Variants in NEO1 observed in about 807,000 individuals in gnomAD.
NEO1 encodes the protein neogenin.
NEO1 carries 63 observed loss-of-function variants against 159.7 expected under a neutral mutation model. The ratio of observed to expected loss-of-function variants is 0.39; its 90% confidence interval spans 0.32 to 0.49. NEO1 has a LOEUF of 0.49. Ranked by LOEUF, NEO1 falls within the 20% of genes least tolerant of loss-of-function variation. NEO1 has a pLI of 0.85. For missense variants in NEO1, 1,615 were observed against 1,831.0 expected, an observed-to-expected ratio of 0.88 and a Z score of 2.15; for synonymous variants, 633 against 662.0, an observed-to-expected ratio of 0.96 and a Z score of 0.67.
At chr15:73,265,774 AGCTTTTGAG>A (rs1567642857) in intron 15 of NEO1, among the ~76,000 whole-genome samples, 1 of 152,124 alleles carries the variant, frequency 6.6e-6, no homozygotes, top group African/African-American at 2.4e-5. Context: ...AGCTGTTTTA[AGCTTTTGAG>A]CCACATGAGG....
In NEO1 at chr15:73,108,822, A is replaced by G. The variant is rs575252064; in HGVS notation, c.131-7718A>G. ...ATGCGACAGAGAGTGGGTGCAGGGC[A>G]AGTGTTCCAGGCAGAGGGGATGGCA... is the stretch of plus-strand genomic sequence containing the variant. On this transcript the variant is annotated intron_variant, in intron 1 of 28. Coordinates refer to ENST00000261908, the MANE Select transcript of NEO1 (RefSeq NM_002499.4). Among the ~76,000 whole-genome samples, 135 of 152,298 alleles carry G rather than the reference A, an allele frequency of 8.9e-4. 1 individual carries two copies. Among genetic ancestry groups the G allele is most frequent in the African/African-American group, 3.2e-3 (131 of 41,570 alleles).
chr15:73,254,000 G>A (rs748521877), intron 12 of NEO1, among the ~76,000 whole-genome samples: 2 of 152,120 alleles, frequency 1.3e-5, no homozygotes, highest in African/African-American at 2.4e-5. Flanking sequence ...TCTGGACTAC[G>A]CAGACAACTA....
At chr15:73,278,840 G>A (rs1421376880) in intron 22 of NEO1, among the ~76,000 whole-genome samples, 1 of 152,200 alleles carries the variant, frequency 6.6e-6, no homozygotes, top group African/African-American at 2.4e-5. Context: ...GCAGTCCTAG[G>A]ACCAAAACCC....
intron 1 of NEO1, among the ~76,000 whole-genome samples, chr15:73,096,699 G>A (rs1440717723): frequency 6.6e-6 from 1 of 152,168 alleles, no homozygotes; most frequent in Non-Finnish European, 1.5e-5. Context: ...TTTTCATCAA[G>A]CAAGGGTGAC....
Position 73,052,608 on chromosome 15 carries a change from G to T in NEO1, c.-68G>T, listed in dbSNP as rs1270804361. ...TGCAGCGAGGGACCGGCTGAGGCGC[G>T]CGGGAGGGAAGGAGGCAAGGGCTCC... On this transcript the variant is annotated 5_prime_UTR_variant, in exon 1 of 29. Coordinates refer to ENST00000261908, the MANE Select transcript of NEO1 (RefSeq NM_002499.4). The T allele has an allele frequency of 8.7e-6, 9 of 1,030,096 alleles. No individual in the cohort carries two copies. Among genetic ancestry groups the T allele is most frequent in the Non-Finnish European group, 1.1e-5 (9 of 822,294 alleles). The allele number at this position is 1,030,096 out of a possible 1,614,324, so 63.8% of individuals were successfully genotyped here.
intron 7 of NEO1, among the ~76,000 whole-genome samples, chr15:73,180,987 G>A (rs1030815876): frequency 1.3e-5 from 2 of 152,166 alleles, no homozygotes; most frequent in African/African-American, 4.8e-5. Flanking sequence ...AATAAGGGAT[G>A]TAAGAGATAT....
At chr15:73,122,922 C>T (rs1325424042) in intron 3 of NEO1, 122 bp downstream of exon 3, 1 of 1,226,404 alleles carries the variant, frequency 8.2e-7, no homozygotes, top group Non-Finnish European at 1.1e-6. Flanking sequence ...GTAATCCCAG[C>T]ACTTTGGGAG....
chr15:73,250,517 T>A (rs1363312549), intron 11 of NEO1, among the ~76,000 whole-genome samples: 1 of 152,134 alleles, frequency 6.6e-6, no homozygotes, highest in East Asian at 1.9e-4. Context: ...CAGACTGACA[T>A]CACGTGCCCC....
chr15:73,199,928 G>C (rs903856588), intron 7 of NEO1, among the ~76,000 whole-genome samples: 2 of 152,138 alleles, frequency 1.3e-5, no homozygotes, highest in Non-Finnish European at 2.9e-5. Context: ...TGATGTATGA[G>C]ACAGAGCCCT....
chr15:73,178,447 T>G lies in NEO1; in HGVS notation c.1291+20T>G, dbSNP rs1747251543. The G allele has an allele frequency of 6.2e-7, 1 of 1,612,660 alleles. No homozygotes were observed. The highest frequency in any genetic ancestry group is 2.2e-5 in the East Asian group (1 of 44,750). ...AACATGGTAAGAAGGGCTGAAATAG[T>G]CAGATGATAGAGGCTGTGTGCTTGA... On this transcript the variant is annotated intron_variant, in intron 7 of 28. Transcript: ENST00000261908.
chr15:73,126,594 C>A, intron 4 of NEO1, 24 bp downstream of exon 4: 2 of 1,601,624 alleles, frequency 1.2e-6, no homozygotes, highest in Non-Finnish European at 1.7e-6. Flanking sequence ...GCCTAAAAGC[C>A]TTCTTCAGCC....
chr15:73,192,406 G>C (rs909391578), intron 7 of NEO1, among the ~76,000 whole-genome samples: 3 of 151,852 alleles, frequency 2.0e-5, no homozygotes, highest in Non-Finnish European at 4.4e-5. Context: ...ATACTTCTCA[G>C]ACTAGAGTAT....
intron 7 of NEO1, among the ~76,000 whole-genome samples, chr15:73,193,690 A>G (rs1334567527): frequency 1.3e-5 from 2 of 150,376 alleles, no homozygotes; most frequent in Non-Finnish European, 1.5e-5. Context: ...AACATATTCC[A>G]TGGTCACCCC....
At chr15:73,228,334 G>T (rs77021592) in intron 7 of NEO1, among the ~76,000 whole-genome samples, 1 of 151,442 alleles carries the variant, frequency 6.6e-6, no homozygotes, top group East Asian at 1.9e-4. Context: ...AATGACTAAT[G>T]ATGTCATTTT....
At chr15:73,222,518 C>G (rs554354438) in intron 7 of NEO1, among the ~76,000 whole-genome samples, 2 of 152,066 alleles carry the variant, frequency 1.3e-5, no homozygotes, top group African/African-American at 4.8e-5. Context: ...TCCATCCCTT[C>G]TAGGTTTTCT....
Position 73,190,333 on chromosome 15 carries a change from C to G in NEO1, c.1291+11906C>G, listed in dbSNP as rs1038133. Among the ~76,000 whole-genome samples the G allele has an allele frequency of 8.6e-3, 1,310 of 152,070 alleles. 23 individuals carry two copies. Among genetic ancestry groups the G allele is most frequent in the African/African-American group, 0.03 (1,239 of 41,478 alleles). On this transcript the variant is annotated intron_variant, in intron 7 of 28. Coordinates refer to ENST00000261908, the MANE Select transcript of NEO1 (RefSeq NM_002499.4). ...CCTTTCATACCACGTCTGATAATTG[C>G]CAAATTTTAGTTCTAGTAAAGGAAG...
At chr15:73,200,523 TAGAGAG>T (rs56964495) in intron 7 of NEO1, among the ~76,000 whole-genome samples, 1 of 140,440 alleles carries the variant, frequency 7.1e-6, no homozygotes, top group Admixed American at 7.2e-5. Context: ...AGGGAGTCTC[TAGAGAG>T]AGAGAGAGAG....
chr15:73,164,546 C>T (rs1056796296), intron 5 of NEO1, among the ~76,000 whole-genome samples: 3 of 152,130 alleles, frequency 2.0e-5, no homozygotes, highest in Non-Finnish European at 4.4e-5. Flanking sequence ...TTAGCTAGGA[C>T]GTGCAGTAGA....
chr15:73,119,011 G>T (rs371672473), intron 2 of NEO1, among the ~76,000 whole-genome samples: 8 of 152,086 alleles, frequency 5.3e-5, no homozygotes, highest in African/African-American at 1.7e-4. Context: ...GTGTGTGTGT[G>T]TGCGCGCAAT....
Sources: gnomAD v4.1 joint callset for allele counts (sites outside exome capture counted in the v4.1 genomes callset) on GRCh38, gnomAD v4.1.1 for gene constraint, MANE v1.5 for transcripts, NCBI Gene and HGNC (gene_info 2026-07-23, HGNC 2026-07-21) for gene names.